Variants in WNT3 observed in about 807,000 individuals in gnomAD.
WNT3 encodes Wnt family member 3.
WNT3 carries 7 observed loss-of-function variants against 34.2 expected under a neutral mutation model. The observed-to-expected ratio is 0.20, with a 90% CI of 0.12 to 0.38. The LOEUF (loss-of-function observed/expected upper bound fraction) is 0.38, where lower values mean the gene tolerates loss of function less well. Among genes scored for constraint, WNT3 ranks in the 10% least tolerant of loss-of-function variants. The probability of loss-of-function intolerance (pLI) is 1.00; values close to 1 mark genes in which losing one functional copy is unlikely to be tolerated. For synonymous variants in WNT3, 212 were observed against 211.5 expected, an observed-to-expected ratio of 1.00 and a Z score of -0.02; for missense variants, 267 against 499.8, an observed-to-expected ratio of 0.53 and a Z score of 4.44.
chr17:46,811,802 C>G (rs1314056148), intron 1 of WNT3, among the ~76,000 whole-genome samples: 1 of 152,078 alleles, frequency 6.6e-6, no homozygotes, highest in Non-Finnish European at 1.5e-5. Flanking sequence ...CTAAAAAATT[C>G]AAATATTAGC....
intron 1 of WNT3, among the ~76,000 whole-genome samples, chr17:46,813,347 G>A (rs1234224753): frequency 2.6e-5 from 4 of 151,164 alleles, no homozygotes; most frequent in Non-Finnish European, 5.9e-5. Flanking sequence ...AGGTCACAGG[G>A]TCCATTGGTA....
At chr17:46,793,896 T>A (rs562827771) in intron 1 of WNT3, among the ~76,000 whole-genome samples, 1 of 152,294 alleles carries the variant, frequency 6.6e-6, no homozygotes, top group South Asian at 2.1e-4. Context: ...CCAAATCCCA[T>A]GCTATCGCTA....
intron 1 of WNT3, among the ~76,000 whole-genome samples, chr17:46,814,891 G>A (rs1425249489): frequency 2.6e-5 from 4 of 152,228 alleles, no homozygotes; most frequent in African/African-American, 9.6e-5. Context: ...GCTCGAGTGG[G>A]AGGATGGGTC....
chr17:46,809,287 G>A (rs896574481), intron 1 of WNT3, among the ~76,000 whole-genome samples: 2 of 151,998 alleles, frequency 1.3e-5, no homozygotes, highest in African/African-American at 4.8e-5. Context: ...GAGAGGAGGC[G>A]GGATCCTGCT....
At chr17:46,804,964 C>T (rs1251780299) in intron 1 of WNT3, among the ~76,000 whole-genome samples, 2 of 144,072 alleles carry the variant, frequency 1.4e-5, no homozygotes, top group Non-Finnish European at 3.0e-5. Flanking sequence ...CTTGGGTCGC[C>T]TTCCATGCTG....
chr17:46,779,053 TCACACA>T lies in WNT3; in HGVS notation c.81-5150_81-5145del, dbSNP rs56965619. Among the ~76,000 whole-genome samples the T allele has an allele frequency of 3.1e-3, 313 of 100,662 alleles. 4 individuals are homozygous for T. Among genetic ancestry groups the T allele is most frequent in the Middle Eastern group, 0.014 (2 of 144 alleles). 66.0% of individuals were successfully genotyped at this position (100,662 alleles called of 152,430 possible). A position where few individuals can be genotyped will look rare whatever the true frequency, so the allele number is the denominator to read the frequency against. On this transcript the variant is annotated intron_variant, in intron 1 of 4. Transcript: ENST00000225512. ...CAGTTATTCCCCGGTCCCTACCCCA[TCACACA>T]CACACACACACACACACACACACAC...
At position 46,770,026 on chromosome 17, in the gene WNT3, A is replaced by T. The variant is rs1413938089; in HGVS notation, c.345T>A (p.Val115=). ...LDKATRESAF[V]HAIASAGVAF... Reference sequence around the variant, plus strand: ...CCACGCCGGCCGAGGCGATGGCGTGAACGAAGGCCGACTCGCGGGTGGCTG... The same window carrying T: ...CCACGCCGGCCGAGGCGATGGCGTGTACGAAGGCCGACTCGCGGGTGGCTG... The change falls in exon 3 of 5, where the codon GTT becomes GTA. Residue 115 remains valine (V), a synonymous_variant. Coordinates refer to ENST00000225512, the MANE Select transcript of WNT3 (RefSeq NM_030753.5). 1 of 1,569,170 alleles carries T rather than the reference A, an allele frequency of 6.4e-7. No individual in the cohort carries two copies. Among genetic ancestry groups the T allele is most frequent in the South Asian group, 1.2e-5 (1 of 86,944 alleles).
intron 1 of WNT3, among the ~76,000 whole-genome samples, chr17:46,787,252 G>A (rs2059515162): frequency 6.9e-6 from 1 of 144,472 alleles, no homozygotes; most frequent in Non-Finnish European, 1.5e-5. Context: ...ATAAAGACCT[G>A]TTGAAGAAAA....
chr17:46,805,868 G>A (rs1306184528), intron 1 of WNT3, among the ~76,000 whole-genome samples: 1 of 152,212 alleles, frequency 6.6e-6, no homozygotes, highest in Non-Finnish European at 1.5e-5. Context: ...CTGTGGTGTG[G>A]TGTGGTGTCA....
chr17:46,787,934 C>T (rs1407005331), intron 1 of WNT3, among the ~76,000 whole-genome samples: 1 of 146,024 alleles, frequency 6.8e-6, no homozygotes, highest in Non-Finnish European at 1.5e-5. Flanking sequence ...CCAGCCTGGG[C>T]AACAGAGTGA....
intron 2 of WNT3, among the ~76,000 whole-genome samples, chr17:46,770,580 C>A (rs894249570): frequency 6.6e-6 from 1 of 152,164 alleles, no homozygotes. Flanking sequence ...CGGTCTCAGT[C>A]GCCCTTTTTG....
intron 2 of WNT3, among the ~76,000 whole-genome samples, chr17:46,771,200 A>G (rs2059365319): frequency 6.6e-6 from 1 of 152,154 alleles, no homozygotes; most frequent in South Asian, 2.1e-4. Flanking sequence ...GAGGGCGAAG[A>G]GTGCAGAGCT....
intron 4 of WNT3, among the ~76,000 whole-genome samples, chr17:46,765,668 AGCCTGGGCCCATT>A (rs1289737811): frequency 6.6e-6 from 1 of 152,208 alleles, no homozygotes; most frequent in African/African-American, 2.4e-5. Flanking sequence ...GTCTCGGCCG[AGCCTGGGCCCATT>A]GCTCCAGAGC....
intron 1 of WNT3, among the ~76,000 whole-genome samples, chr17:46,790,957 G>A (rs1280148649): frequency 1.3e-5 from 2 of 152,164 alleles, no homozygotes; most frequent in Non-Finnish European, 2.9e-5. Flanking sequence ...CCCCTGCCCA[G>A]GCCTGACTCC....
intron 2 of WNT3, among the ~76,000 whole-genome samples, chr17:46,771,737 C>T (rs2059373324): frequency 2.3e-5 from 3 of 128,150 alleles, no homozygotes. Flanking sequence ...CGCGAAATCC[C>T]CATTGAAGCG....
chr17:46,803,031 A>C (rs1197429056), intron 1 of WNT3, among the ~76,000 whole-genome samples: 1 of 152,196 alleles, frequency 6.6e-6, no homozygotes, highest in Non-Finnish European at 1.5e-5. Flanking sequence ...CTGGGAACTA[A>C]GACCTCAACC....
At chr17:46,769,731 G>A (rs1268813708) in intron 3 of WNT3, 52 bp downstream of exon 3, 10 of 1,599,032 alleles carry the variant, frequency 6.3e-6, no homozygotes, top group South Asian at 1.1e-5. Flanking sequence ...AGCTCCGGAG[G>A]GGAAGCGGGG....
At chr17:46,814,023 A>G (rs1225050068) in intron 1 of WNT3, among the ~76,000 whole-genome samples, 1 of 152,188 alleles carries the variant, frequency 6.6e-6, no homozygotes, top group Non-Finnish European at 1.5e-5. Flanking sequence ...CACCTCCTAA[A>G]GGACTTGGCA....
At chr17:46,784,919 GCACC>G (rs1394735284) in intron 1 of WNT3, among the ~76,000 whole-genome samples, 24 of 152,106 alleles carry the variant, frequency 1.6e-4, no homozygotes, top group Non-Finnish European at 3.2e-4. Flanking sequence ...GGGACTACAG[GCACC>G]CGCCACCATG....
Sources: allele counts gnomAD v4.1 joint callset (sites outside exome capture counted in the v4.1 genomes callset), GRCh38; gene constraint gnomAD v4.1.1; transcripts MANE v1.5; gene names NCBI Gene and HGNC (gene_info 2026-07-23, HGNC 2026-07-21).